ADAMTSL1: variants seen among roughly 807,000 people sequenced by gnomAD.
The protein encoded by ADAMTSL1 is ADAMTS-like protein 1.
Under a neutral mutation model 201.8 loss-of-function variants are expected in ADAMTSL1, and 126 were observed. That is an observed-to-expected ratio of 0.62 (90% CI 0.54 to 0.72). ADAMTSL1 has a LOEUF of 0.72. Among genes scored for constraint, ADAMTSL1 ranks in the 30% least tolerant of loss-of-function variants. The pLI, the probability that ADAMTSL1 is intolerant of heterozygous loss-of-function variation, is 0.00. For missense variants in ADAMTSL1, 2,679 were observed against 2,277.8 expected (o/e 1.18, Z -3.59); for synonymous variants, 1,121 against 903.4 (o/e 1.24, Z -4.32).
intron 2 of ADAMTSL1, among the ~76,000 whole-genome samples, chr9:18,533,027 G>A (rs1819539748): frequency 6.6e-6 from 1 of 151,894 alleles, no homozygotes; most frequent in South Asian, 2.1e-4. Flanking sequence ...TTTGAAACAA[G>A]ATAAATACTT....
chr9:18,096,572 C>A (rs767396346), intron 1 of ADAMTSL1, among the ~76,000 whole-genome samples: 5 of 152,186 alleles, frequency 3.3e-5, no homozygotes, highest in Non-Finnish European at 7.3e-5. Flanking sequence ...GAAGCATGTT[C>A]TCTGTCACAT....
intron 24 of ADAMTSL1, 67 bp downstream of exon 24, chr9:18,888,110 C>T (rs1330999391): frequency 6.7e-7 from 1 of 1,490,684 alleles, no homozygotes; most frequent in Non-Finnish European, 9.2e-7. Flanking sequence ...ATCTAACTAT[C>T]TAGCAGAACA....
At chr9:18,541,878 G>A (rs563397372) in intron 3 of ADAMTSL1, among the ~76,000 whole-genome samples, 1 of 152,322 alleles carries the variant, frequency 6.6e-6, no homozygotes, top group Admixed American at 6.5e-5. Flanking sequence ...AAAGATTAAG[G>A]TGGATCTATT....
At chr9:18,674,778 C>G (rs569356830) in intron 9 of ADAMTSL1, among the ~76,000 whole-genome samples, 1 of 152,228 alleles carries the variant, frequency 6.6e-6, no homozygotes, top group Non-Finnish European at 1.5e-5. Context: ...GGCTTTCTAT[C>G]ATTTATCAGT....
intron 4 of ADAMTSL1, among the ~76,000 whole-genome samples, chr9:18,613,566 C>A (rs1289524458): frequency 6.6e-6 from 1 of 152,158 alleles, no homozygotes; most frequent in African/African-American, 2.4e-5. Flanking sequence ...TTTGCAGGGA[C>A]ATGAATGGAG....
At chr9:18,828,660 T>TTATATATA (rs1554643931) in intron 22 of ADAMTSL1, among the ~76,000 whole-genome samples, 39 of 28,534 alleles carry the variant, frequency 1.4e-3, no homozygotes, top group Non-Finnish European at 1.8e-3. Flanking sequence ...GAAAGTATAT[T>TTATATATA]TATATATATA....
intron 3 of ADAMTSL1, among the ~76,000 whole-genome samples, chr9:18,548,687 G>A (rs1252527047): frequency 6.6e-6 from 1 of 151,996 alleles, no homozygotes; most frequent in African/African-American, 2.4e-5. Flanking sequence ...TTTCTAGAAC[G>A]TAAGTGACAC....
intron 2 of ADAMTSL1, among the ~76,000 whole-genome samples, chr9:18,298,605 C>T (rs1173961432): frequency 6.6e-6 from 1 of 150,932 alleles, no homozygotes; most frequent in Non-Finnish European, 1.5e-5. Context: ...TGTTTATGAT[C>T]ATTTAACCAT....
chr9:18,470,502 A>G (rs114631877), upstream of ADAMTSL1, among the ~76,000 whole-genome samples: 1,340 of 152,198 alleles, frequency 8.8e-3, 22 homozygotes, highest in African/African-American at 0.03. Context: ...TGCCATAACC[A>G]CTTCCTTAAA....
In ADAMTSL1 at chr9:18,622,262, A is replaced by G; in HGVS notation, c.494A>G (p.Gln165Arg). 1 of 1,613,924 alleles carries G rather than the reference A, an allele frequency of 6.2e-7. No individual in the cohort carries two copies. The highest frequency in any genetic ancestry group is 1.1e-5 in the South Asian group (1 of 91,070). The part of the protein sequence containing the change: ...GLCQIVGCDH[Q>R]LGSTVKEDNC... ...TGTTAGATTGTTGGCTGCGATCACC[A>G]GCTGGGAAGCACCGTCAAGGAAGAT... Residue 165 changes from glutamine to arginine, a missense_variant, in exon 5 of 29, where the codon CAG becomes CGG. Physicochemically the swap from Gln to Arg is conservative, Grantham distance 43. Coordinates refer to ENST00000380548, the MANE Select transcript of ADAMTSL1 (RefSeq NM_001040272.6).
intron 14 of ADAMTSL1, among the ~76,000 whole-genome samples, chr9:18,717,118 G>A (rs2133394037): frequency 6.7e-6 from 1 of 149,436 alleles, no homozygotes; most frequent in East Asian, 2.0e-4. Flanking sequence ...ATAGCATTGG[G>A]AGATATACCT....
At chr9:18,301,016 G>GA (rs1833689116) in intron 2 of ADAMTSL1, among the ~76,000 whole-genome samples, 1 of 152,100 alleles carries the variant, frequency 6.6e-6, no homozygotes. Context: ...GGAAAGTTAA[G>GA]AAAAATGTAA....
intron 1 of ADAMTSL1, among the ~76,000 whole-genome samples, chr9:18,160,156 A>G (rs1406027221): frequency 6.6e-6 from 1 of 151,970 alleles, no homozygotes; most frequent in Non-Finnish European, 1.5e-5. Flanking sequence ...TTGGTTCTCT[A>G]AGGAATGCTT....
At chr9:18,635,180 A>G (rs1019149551) in intron 5 of ADAMTSL1, among the ~76,000 whole-genome samples, 5 of 151,924 alleles carry the variant, frequency 3.3e-5, no homozygotes, top group Admixed American at 2.0e-4. Flanking sequence ...AATATAAGAT[A>G]CTGTCATTAC....
rs182706299 is a variant in ADAMTSL1, at chr9:18,817,017, C to A, written c.3806-92C>A. 5.4e-6 allele frequency: 8 copies of A among 1,487,904 alleles called. No homozygotes were observed. The African/African-American group carries it at 9.7e-5, about 18-fold the overall frequency. The allele number at this position is 1,487,904 out of a possible 1,614,324, so 92.2% of individuals were successfully genotyped here. A position where few individuals can be genotyped will look rare whatever the true frequency, so the allele number is the denominator to read the frequency against. ...AGTGGCAAAAGTCTGGGTAGACCAG[C>A]CATGCATTGGTGGTTAGCCCATATT... On this transcript the variant is annotated intron_variant, in intron 20 of 28. Coordinates refer to ENST00000380548, the MANE Select transcript of ADAMTSL1 (RefSeq NM_001040272.6).
chr9:18,823,174 G>C (rs757877601), intron 21 of ADAMTSL1, among the ~76,000 whole-genome samples: 1 of 152,148 alleles, frequency 6.6e-6, no homozygotes, highest in Non-Finnish European at 1.5e-5. Flanking sequence ...TCATAATGCA[G>C]ATCTGTGCTT....
chr9:18,535,313 T>C (rs1442536217), intron 3 of ADAMTSL1, among the ~76,000 whole-genome samples: 1 of 152,184 alleles, frequency 6.6e-6, no homozygotes, highest in Non-Finnish European at 1.5e-5. Context: ...CTTTTCTCCA[T>C]CTGAGACCAC....
In ADAMTSL1 at chr9:18,626,605, A is replaced by G. The variant is rs117794804; in HGVS notation, c.601+4236A>G. ...CACAGATATTGTGGGGTTTTTTGTA[A>G]GTCTGAATGAAATGGGAAGTTGTTG... On this transcript the variant is annotated intron_variant, in intron 5 of 28. Transcript: ENST00000380548. Among the ~76,000 whole-genome samples the G allele has an allele frequency of 1.5e-3, 235 of 152,272 alleles. 5 individuals are homozygous for G. The East Asian group carries it at 0.038, about 24-fold the overall frequency.
intron 14 of ADAMTSL1, among the ~76,000 whole-genome samples, chr9:18,714,842 A>T (rs1465244106): frequency 6.6e-6 from 1 of 151,634 alleles, no homozygotes; most frequent in Non-Finnish European, 1.5e-5. Context: ...TGATGCAAAA[A>T]TCCTCAGTAA....
Sources: allele counts gnomAD v4.1 joint callset (sites outside exome capture counted in the v4.1 genomes callset), GRCh38; gene constraint gnomAD v4.1.1; transcripts MANE v1.5; gene names NCBI Gene and HGNC (gene_info 2026-07-23, HGNC 2026-07-21).